The following OTUD7A variants were observed in gnomAD, a reference collection of about 807,000 sequenced individuals.
OTUD7A encodes the protein OTU deubiquitinase 7A.
A neutral mutation model predicts 65.7 loss-of-function variants in OTUD7A; 12 were observed. That is an observed-to-expected ratio of 0.18 (90% confidence interval 0.12 to 0.30). The LOEUF is 0.30. OTUD7A is among the 10% of genes least tolerant of loss of function. OTUD7A has a pLI of 1.00. For missense variants in OTUD7A, 1,148 were observed against 1,304.8 expected, an observed-to-expected ratio of 0.88 and a Z score of 1.85; for synonymous variants, 641 against 586.3, an observed-to-expected ratio of 1.09 and a Z score of -1.35.
chr15:31,657,171 G>C (rs1453547006), intron 1 of OTUD7A, 94 bp from the exon 2 acceptor site: 3 of 152,640 alleles, frequency 2.0e-5, no homozygotes, highest in Admixed American at 6.5e-5. Flanking sequence ...GCTGGATCTT[G>C]GCCTTGGCCA....
At chr15:31,643,902 T>G (rs1891589491) in intron 3 of OTUD7A, among the ~76,000 whole-genome samples, 1 of 152,128 alleles carries the variant, frequency 6.6e-6, no homozygotes, top group African/African-American at 2.4e-5. Flanking sequence ...AAATCACTCC[T>G]CTTCTAATAG....
At chr15:31,505,963 C>T (rs1028345905) in intron 8 of OTUD7A, among the ~76,000 whole-genome samples, 4 of 152,038 alleles carry the variant, frequency 2.6e-5, no homozygotes, top group South Asian at 2.1e-4. Context: ...TGGTCTTGAT[C>T]TCCTGACCTC....
At chr15:31,538,117 T>A (rs555977650) in intron 5 of OTUD7A, among the ~76,000 whole-genome samples, 47 of 152,346 alleles carry the variant, frequency 3.1e-4, no homozygotes, top group Non-Finnish European at 5.7e-4. Context: ...ACAGGAGACC[T>A]GCTGGGGCTT....
intron 4 of OTUD7A, among the ~76,000 whole-genome samples, chr15:31,563,698 T>C (rs1888769178): frequency 6.6e-6 from 1 of 152,126 alleles, no homozygotes; most frequent in Non-Finnish European, 1.5e-5. Context: ...CCTAACACAC[T>C]GGGGAGCTTG....
At chr15:31,521,287 T>TA (rs1365778658) in intron 8 of OTUD7A, among the ~76,000 whole-genome samples, 2 of 152,100 alleles carry the variant, frequency 1.3e-5, no homozygotes, top group Non-Finnish European at 2.9e-5. Flanking sequence ...AATAAAATAA[T>TA]AAAAAACTCT....
chr15:31,633,262 G>A (rs1891235093), intron 3 of OTUD7A, among the ~76,000 whole-genome samples: 1 of 152,120 alleles, frequency 6.6e-6, no homozygotes, highest in Non-Finnish European at 1.5e-5. Flanking sequence ...GGCCATCTTG[G>A]CTCCACCCCC....
At position 31,483,183 on chromosome 15, in the gene OTUD7A, C is replaced by CA; in HGVS notation, c.*110dup. 4 of 983,790 alleles carry CA rather than the reference C, an allele frequency of 4.1e-6. No individual in the cohort carries two copies. Among genetic ancestry groups the CA allele is most frequent in the Non-Finnish European group, 4.9e-6 (4 of 818,866 alleles). The allele number at this position is 983,790 out of a possible 1,614,324, so 60.9% of individuals were successfully genotyped here. A position where few individuals can be genotyped will look rare whatever the true frequency, so the allele number is the denominator to read the frequency against. On this transcript the variant is annotated 3_prime_UTR_variant, in exon 13 of 13. Coordinates refer to ENST00000307050, the MANE Select transcript of OTUD7A (RefSeq NM_001382637.1). ...TGACCAAACACGTACACGGCACTGA[C>CA]AGAGGAGGCGCCGGCCTTCCGGTGG...
chr15:31,838,880 C>T (rs1238406709), intron 1 of OTUD7A, among the ~76,000 whole-genome samples: 1 of 152,210 alleles, frequency 6.6e-6, no homozygotes, highest in Admixed American at 6.5e-5. Context: ...CCTTTATAAT[C>T]CACTCAACAG....
At chr15:31,669,376 C>T (rs1892418623) in intron 1 of OTUD7A, among the ~76,000 whole-genome samples, 1 of 152,230 alleles carries the variant, frequency 6.6e-6, no homozygotes, top group East Asian at 1.9e-4. Flanking sequence ...AGTTGTGTAC[C>T]TACGAGGATT....
chr15:31,570,175 G>A lies in OTUD7A; in HGVS notation c.174C>T (p.Ala58=), dbSNP rs758531062. The A allele has an allele frequency of 1.5e-5, 25 of 1,614,022 alleles. No homozygotes were observed. The highest frequency in any genetic ancestry group is 6.7e-5 in the East Asian group (3 of 44,902). Residue 58 remains alanine (A), a synonymous_variant, in exon 4 of 13, where the codon GCC becomes GCT. Coordinates refer to ENST00000307050, the MANE Select transcript of OTUD7A (RefSeq NM_001382637.1). ...GGAGCTGCTCATAGTCGCTCAGAGC[G>A]GCTGTCAGGTCCCAGTTTTTGCCTG... ...LLEGKNWDLT[A]ALSDYEQLRQ... is the part of the protein sequence containing the mutation.
chr15:31,848,102 TA>T (rs1344833237), intron 1 of OTUD7A, among the ~76,000 whole-genome samples: 1 of 152,182 alleles, frequency 6.6e-6, no homozygotes, highest in African/African-American at 2.4e-5. Context: ...GTGAGGTCCC[TA>T]ACTGCAGAGT....
chr15:31,715,175 T>C (rs1435090310), intron 1 of OTUD7A, among the ~76,000 whole-genome samples: 1 of 152,154 alleles, frequency 6.6e-6, no homozygotes, highest in Non-Finnish European at 1.5e-5. Context: ...TGTCACATCC[T>C]ACCTTGCTTG....
intron 3 of OTUD7A, among the ~76,000 whole-genome samples, chr15:31,639,853 T>C (rs1891459360): frequency 6.6e-6 from 1 of 152,182 alleles, no homozygotes; most frequent in South Asian, 2.1e-4. Flanking sequence ...TTATTTTTAA[T>C]TGGATAGTTT....
intron 1 of OTUD7A, among the ~76,000 whole-genome samples, chr15:31,868,274 A>C (rs1421437772): frequency 6.6e-6 from 1 of 152,166 alleles, no homozygotes; most frequent in East Asian, 1.9e-4. Context: ...GAAATAAGTG[A>C]CCCATACCTA....
intron 3 of OTUD7A, among the ~76,000 whole-genome samples, chr15:31,588,660 T>A (rs1197334962): frequency 6.6e-6 from 1 of 152,242 alleles, no homozygotes; most frequent in East Asian, 1.9e-4. Context: ...TATTCCTTTC[T>A]GCACACAGCA....
chr15:31,853,497 AC>A (rs1377655647), intron 1 of OTUD7A, among the ~76,000 whole-genome samples: 1 of 152,222 alleles, frequency 6.6e-6, no homozygotes, highest in Non-Finnish European at 1.5e-5. Flanking sequence ...GAGAGCCAGC[AC>A]CCACCTCCTG....
intron 3 of OTUD7A, among the ~76,000 whole-genome samples, chr15:31,641,244 T>G (rs1162781173): frequency 6.6e-6 from 1 of 152,126 alleles, no homozygotes; most frequent in African/African-American, 2.4e-5. Context: ...CTGCTTCTCC[T>G]TTGTCTTCCA....
intron 3 of OTUD7A, among the ~76,000 whole-genome samples, chr15:31,578,522 G>T (rs1438068763): frequency 6.6e-6 from 1 of 150,414 alleles, no homozygotes. Flanking sequence ...CCCCCACTTT[G>T]CACTGTTTCA....
At chr15:31,820,727 G>A (rs1896657880) in intron 1 of OTUD7A, among the ~76,000 whole-genome samples, 2 of 152,184 alleles carry the variant, frequency 1.3e-5, no homozygotes, top group African/African-American at 4.8e-5. Context: ...CCAGGAATTT[G>A]AAATCAGGGC....
Sources: allele counts gnomAD v4.1 joint callset (sites outside exome capture counted in the v4.1 genomes callset), GRCh38; gene constraint gnomAD v4.1.1; transcripts MANE v1.5; gene names NCBI Gene and HGNC (gene_info 2026-07-23, HGNC 2026-07-21).